The following TSHZ3 variants were observed in gnomAD, a reference collection of about 807,000 sequenced individuals.
The protein encoded by TSHZ3 is teashirt homolog 3.
TSHZ3 carries 10 observed loss-of-function variants against 64.5 expected under a neutral mutation model. That is an observed-to-expected ratio of 0.16 (90% CI 0.10 to 0.26). TSHZ3 has a LOEUF of 0.26. Ranked by LOEUF, TSHZ3 falls within the 10% of genes least tolerant of loss-of-function variation. The probability of loss-of-function intolerance (pLI) is 1.00; values close to 1 mark genes in which losing one functional copy is unlikely to be tolerated. For synonymous variants in TSHZ3, 608 were observed against 593.1 expected (o/e 1.03, Z -0.36); for missense variants, 1,242 against 1,421.7 (o/e 0.87, Z 2.03).
At chr19:31,272,729 C>T (rs1211610307), downstream of TSHZ3, among the ~76,000 whole-genome samples, 1 of 152,156 alleles carries the variant, frequency 6.6e-6, no homozygotes, top group East Asian at 1.9e-4. Context: ...CATCATAGCA[C>T]CATAAATTAG....
At chr19:31,289,143 G>A (rs940058640) in intron 1 of TSHZ3, among the ~76,000 whole-genome samples, 2 of 152,354 alleles carry the variant, frequency 1.3e-5, no homozygotes, top group Non-Finnish European at 2.9e-5. Context: ...CACAGGGGCT[G>A]TGCTCCACAC....
chr19:31,265,555 CAT>C (rs1209622878), intron 1 of TSHZ3, among the ~76,000 whole-genome samples: 7 of 152,140 alleles, frequency 4.6e-5, no homozygotes, highest in African/African-American at 1.7e-4. Flanking sequence ...TTGAGAAGGT[CAT>C]ACTAGGGCTC....
intron 5 of TSHZ3, among the ~76,000 whole-genome samples, chr19:31,165,320 C>T (rs1030099434): frequency 2.0e-5 from 3 of 152,212 alleles, no homozygotes. Flanking sequence ...ACAGAAGTTG[C>T]AGATGGGAGC....
At chr19:31,298,849 A>G (rs1033560867) in intron 1 of TSHZ3, among the ~76,000 whole-genome samples, 1 of 152,224 alleles carries the variant, frequency 6.6e-6, no homozygotes, top group African/African-American at 2.4e-5. Context: ...CACGTTTAAA[A>G]TGTACTACTT....
chr19:31,176,029 G>T (rs1974601976), intron 5 of TSHZ3, among the ~76,000 whole-genome samples: 1 of 152,234 alleles, frequency 6.6e-6, no homozygotes, highest in South Asian at 2.1e-4. Flanking sequence ...CTGCAACTTG[G>T]GTCTGAGGGG....
At chr19:31,259,771 G>A (rs1210143129) in intron 1 of TSHZ3, among the ~76,000 whole-genome samples, 1 of 152,204 alleles carries the variant, frequency 6.6e-6, no homozygotes, top group East Asian at 1.9e-4. Flanking sequence ...TTAGGGAAGA[G>A]GAGAGAATGG....
At chr19:31,210,267 T>C (rs983842319) in intron 4 of TSHZ3, among the ~76,000 whole-genome samples, 1 of 152,080 alleles carries the variant, frequency 6.6e-6, no homozygotes, top group Admixed American at 6.5e-5. Flanking sequence ...TGGGAAATCT[T>C]ATAGTAATGT....
chr19:31,291,883 T>C (rs1266477749), intron 1 of TSHZ3, among the ~76,000 whole-genome samples: 1 of 152,166 alleles, frequency 6.6e-6, no homozygotes, highest in Non-Finnish European at 1.5e-5. Flanking sequence ...GCTGGGCCCA[T>C]ATCTGGGTTG....
chr19:31,307,139 G>GA (rs555588555), intron 1 of TSHZ3, among the ~76,000 whole-genome samples: 45 of 151,032 alleles, frequency 3.0e-4, no homozygotes, highest in Non-Finnish European at 5.3e-4. Context: ...AGTGCTTGAG[G>GA]AAAAAAAAAT....
chr19:31,317,378 A>C (rs954574101), intron 1 of TSHZ3, among the ~76,000 whole-genome samples: 1 of 152,220 alleles, frequency 6.6e-6, no homozygotes, highest in Non-Finnish European at 1.5e-5. Context: ...TGAACAGTGC[A>C]GGCTCTTGAT....
intron 1 of TSHZ3, among the ~76,000 whole-genome samples, chr19:31,316,207 A>G (rs1916598266): frequency 6.6e-6 from 1 of 152,178 alleles, no homozygotes; most frequent in Non-Finnish European, 1.5e-5. Context: ...TCAGGGAGGG[A>G]GGCAGGAGTT....
chr19:31,224,013 G>A (rs1369954631), intron 4 of TSHZ3, among the ~76,000 whole-genome samples: 1 of 152,240 alleles, frequency 6.6e-6, no homozygotes, highest in Admixed American at 6.5e-5. Flanking sequence ...TTTGGACACA[G>A]GAAGTAGAAG....
intron 1 of TSHZ3, among the ~76,000 whole-genome samples, chr19:31,343,527 A>C (rs1309311781): frequency 2.0e-5 from 3 of 152,238 alleles, no homozygotes; most frequent in Admixed American, 6.5e-5. Context: ...TATTTGGTCA[A>C]GGACACTCTG....
At chr19:31,303,841 T>C (rs931694120) in intron 1 of TSHZ3, among the ~76,000 whole-genome samples, 1 of 152,124 alleles carries the variant, frequency 6.6e-6, no homozygotes, top group Non-Finnish European at 1.5e-5. Flanking sequence ...AGATTTTATT[T>C]TATTCAAAAT....
At chr19:31,254,710 G>C (rs990403275) in intron 1 of TSHZ3, among the ~76,000 whole-genome samples, 1 of 152,230 alleles carries the variant, frequency 6.6e-6, no homozygotes, top group African/African-American at 2.4e-5. Flanking sequence ...ATCCACATGG[G>C]CTGAGTCCCC....
chr19:31,334,884 C>A (rs1917199112), intron 1 of TSHZ3, among the ~76,000 whole-genome samples: 1 of 152,140 alleles, frequency 6.6e-6, no homozygotes, highest in Non-Finnish European at 1.5e-5. Flanking sequence ...TGCACACCCA[C>A]AGAAGCCAAA....
At chr19:31,337,003 CT>C (rs1309626799) in intron 1 of TSHZ3, among the ~76,000 whole-genome samples, 1 of 133,004 alleles carries the variant, frequency 7.5e-6, no homozygotes, top group Non-Finnish European at 1.6e-5. Flanking sequence ...CTTTCTTTTT[CT>C]TTTTTTCTAT....
At chr19:31,296,327 A>AT (rs35057697) in intron 1 of TSHZ3, among the ~76,000 whole-genome samples, 1,320 of 93,904 alleles carry the variant, frequency 0.014, 20 homozygotes, top group Non-Finnish European at 0.018. Context: ...AGTGCTGTGA[A>AT]TTTTTTTTTT....
At chr19:31,168,897 A>T (rs1395217626) in intron 5 of TSHZ3, among the ~76,000 whole-genome samples, 1 of 152,210 alleles carries the variant, frequency 6.6e-6, no homozygotes, top group Non-Finnish European at 1.5e-5. Context: ...GGAGAAAAGC[A>T]TCCAACTGTC....
Sources: allele counts gnomAD v4.1 joint callset (sites outside exome capture counted in the v4.1 genomes callset), GRCh38; gene constraint gnomAD v4.1.1; transcripts MANE v1.5; gene names NCBI Gene and HGNC (gene_info 2026-07-23, HGNC 2026-07-21).